GPHN: variants seen among roughly 807,000 people sequenced by gnomAD.
GPHN encodes the protein gephyrin.
GPHN carries 17 observed loss-of-function variants against 95.5 expected under a neutral mutation model. The ratio of observed to expected loss-of-function variants is 0.18; its 90% CI spans 0.12 to 0.27. The LOEUF (loss-of-function observed/expected upper bound fraction) is 0.27. Among genes scored for constraint, GPHN ranks in the 10% least tolerant of loss-of-function variants. The pLI, the probability that GPHN is intolerant of heterozygous loss-of-function variation, is 1.00. For synonymous variants in GPHN, 320 were observed against 322.5 expected (o/e 0.99, Z 0.08); for missense variants, 660 against 978.1 (o/e 0.67, Z 4.34).
At chr14:67,153,861 A>G (rs1201048360) in intron 18 of GPHN, among the ~76,000 whole-genome samples, 1 of 152,168 alleles carries the variant, frequency 6.6e-6, no homozygotes, top group African/African-American at 2.4e-5. Flanking sequence ...CTGCTTCAAT[A>G]GGTAAACAAA....
intron 3 of GPHN, among the ~76,000 whole-genome samples, chr14:66,790,232 G>A (rs1180750124): frequency 2.0e-5 from 3 of 152,100 alleles, no homozygotes; most frequent in African/African-American, 7.2e-5. Context: ...TTTACTAAAT[G>A]TAACCTCCCA....
intron 1 of GPHN, among the ~76,000 whole-genome samples, chr14:66,548,369 TG>T (rs1476306627): frequency 6.6e-6 from 1 of 151,784 alleles, no homozygotes; most frequent in Non-Finnish European, 1.5e-5. Flanking sequence ...TTAGTAGAGA[TG>T]GGGTTTCACC....
chr14:66,678,872 G>A (rs140509161), intron 1 of GPHN, among the ~76,000 whole-genome samples: 249 of 152,278 alleles, frequency 1.6e-3, no homozygotes, highest in Non-Finnish European at 2.3e-3. Flanking sequence ...TCCCTAGGGC[G>A]TTCAGGTGAG....
At chr14:67,204,688 A>AATGTTT in the GPHN span, 2 of 1,613,964 alleles carry the variant, frequency 1.2e-6, no homozygotes, top group East Asian at 4.5e-5. Flanking sequence ...GGTGGCCCTC[A>AATGTTT]TCTCCCTCTT....
At chr14:66,995,964 T>C (rs965604553) in intron 9 of GPHN, among the ~76,000 whole-genome samples, 12 of 125,220 alleles carry the variant, frequency 9.6e-5, no homozygotes, top group Admixed American at 2.3e-4. Context: ...ATCTCCATCA[T>C]GGATTTTTTT....
At chr14:67,172,296 C>T (rs1006844247) in intron 21 of GPHN, among the ~76,000 whole-genome samples, 1 of 152,096 alleles carries the variant, frequency 6.6e-6, no homozygotes, top group Non-Finnish European at 1.5e-5. Context: ...CATATACGGC[C>T]TCCTAGGAAA....
At chr14:67,094,901 G>T (rs1009912392) in intron 12 of GPHN, among the ~76,000 whole-genome samples, 7 of 152,130 alleles carry the variant, frequency 4.6e-5, no homozygotes, top group African/African-American at 1.4e-4. Context: ...GTTGCCTATA[G>T]TATTTAGTAT....
chr14:66,874,300 A>G (rs1379089780), intron 4 of GPHN, among the ~76,000 whole-genome samples: 4 of 152,228 alleles, frequency 2.6e-5, no homozygotes, highest in Admixed American at 1.3e-4. Flanking sequence ...AGATGACCAA[A>G]AAACAGCACA....
At chr14:67,128,794 G>T (rs1244496799) in intron 17 of GPHN, among the ~76,000 whole-genome samples, 7 of 151,752 alleles carry the variant, frequency 4.6e-5, no homozygotes, top group Admixed American at 4.6e-4. Context: ...AATTAGCCGG[G>T]CGTGGCGGTG....
chr14:67,165,525 A>C (rs972444534), intron 20 of GPHN, among the ~76,000 whole-genome samples: 9 of 152,184 alleles, frequency 5.9e-5, no homozygotes, highest in Admixed American at 5.9e-4. Flanking sequence ...CTGTCACTAG[A>C]TCTTTCTGGA....
chr14:67,507,433 G>C, the GPHN span, among the ~76,000 whole-genome samples: 1 of 152,066 alleles, frequency 6.6e-6, no homozygotes, highest in African/African-American at 2.4e-5. Flanking sequence ...GCAGGGATAG[G>C]GGGAAGAATC....
At chr14:67,321,129 A>G in the GPHN span, 1 of 1,614,224 alleles carries the variant, frequency 6.2e-7, no homozygotes, top group Non-Finnish European at 8.5e-7. Context: ...CAAGCATTCG[A>G]GGCAGACATA....
At chr14:67,352,896 T>C in the GPHN span, 2 of 1,491,202 alleles carry the variant, frequency 1.3e-6, no homozygotes, top group Non-Finnish European at 9.2e-7. Context: ...CTAAAATAAA[T>C]ACTATTCTAA....
chr14:66,799,489 T>C (rs1230742983), intron 3 of GPHN, among the ~76,000 whole-genome samples: 2 of 152,138 alleles, frequency 1.3e-5, no homozygotes, highest in African/African-American at 2.4e-5. Flanking sequence ...ATCTGAGTGC[T>C]CAAGTACTGG....
chr14:67,097,648 C>T (rs2153675217), intron 12 of GPHN, among the ~76,000 whole-genome samples: 1 of 152,202 alleles, frequency 6.6e-6, no homozygotes, highest in South Asian at 2.1e-4. Flanking sequence ...TCATGACTCT[C>T]CAGTGTAGCT....
chr14:67,563,621 C>T, the GPHN span, among the ~76,000 whole-genome samples: 544 of 151,350 alleles, frequency 3.6e-3, 3 homozygotes, highest in African/African-American at 0.013. Flanking sequence ...TTAGTAGAGG[C>T]AGGGTTTCAC....
At chr14:66,540,450 A>G (rs573398240) in intron 1 of GPHN, among the ~76,000 whole-genome samples, 341 of 152,320 alleles carry the variant, frequency 2.2e-3, no homozygotes, top group African/African-American at 7.7e-3. Flanking sequence ...AAATTGTGAT[A>G]GAATCCACCA....
chr14:67,290,994 G>A, the GPHN span, among the ~76,000 whole-genome samples: 1 of 152,100 alleles, frequency 6.6e-6, no homozygotes, highest in Non-Finnish European at 1.5e-5. Context: ...AGAAATCTAG[G>A]TAAATATTTT....
the GPHN span, among the ~76,000 whole-genome samples, chr14:67,411,667 A>G: frequency 0.081 from 12,260 of 152,276 alleles, 1,290 homozygotes; most frequent in East Asian, 0.43. Flanking sequence ...GTTGTAAATT[A>G]CAGAGCACGC....
Sources: gnomAD v4.1 joint callset for allele counts (sites outside exome capture counted in the v4.1 genomes callset) on GRCh38, gnomAD v4.1.1 for gene constraint, MANE v1.5 for transcripts, NCBI Gene and HGNC (gene_info 2026-07-23, HGNC 2026-07-21) for gene names.